The following HEMK2 variants were observed in gnomAD, a reference collection of about 807,000 sequenced individuals.
The protein encoded by HEMK2 is methyltransferase HEMK2.
At chr21:28,851,270 G>A in the HEMK2 span, among the ~76,000 whole-genome samples, 2 of 152,104 alleles carry the variant, frequency 1.3e-5, no homozygotes, top group African/African-American at 4.8e-5. Context: ...ATCCCTATCT[G>A]CCACCGACAC....
chr21:28,752,838 G>A, the HEMK2 span, among the ~76,000 whole-genome samples: 464 of 152,312 alleles, frequency 3.0e-3, 1 homozygote, highest in African/African-American at 0.011. Flanking sequence ...AAAGGGTGAA[G>A]CCAGGAGCAC....
At chr21:28,582,351 G>T in the HEMK2 span, among the ~76,000 whole-genome samples, 1 of 152,114 alleles carries the variant, frequency 6.6e-6, no homozygotes, top group African/African-American at 2.4e-5. Flanking sequence ...TTCTCAGATG[G>T]TAAGCTTTCC....
At chr21:28,612,211 C>T in the HEMK2 span, among the ~76,000 whole-genome samples, 1 of 151,086 alleles carries the variant, frequency 6.6e-6, no homozygotes, top group Non-Finnish European at 1.5e-5. Context: ...GATCCAACAG[C>T]ATATCAAAAA....
At chr21:28,713,397 T>A in the HEMK2 span, among the ~76,000 whole-genome samples, 1 of 152,148 alleles carries the variant, frequency 6.6e-6, no homozygotes, top group Non-Finnish European at 1.5e-5. Context: ...GCACTTAGGA[T>A]AAAGTGAAGT....
chr21:28,881,466 G>T, the HEMK2 span, among the ~76,000 whole-genome samples: 13 of 152,094 alleles, frequency 8.5e-5, no homozygotes. Flanking sequence ...CTCTTTCCTT[G>T]GGAAGGTGTT....
At chr21:28,697,129 T>C in the HEMK2 span, among the ~76,000 whole-genome samples, 1 of 152,230 alleles carries the variant, frequency 6.6e-6, no homozygotes, top group Admixed American at 6.5e-5. Context: ...TCCTCATTAC[T>C]TATGCAATTT....
the HEMK2 span, among the ~76,000 whole-genome samples, chr21:28,836,810 T>TA: frequency 0.26 from 38,758 of 146,436 alleles, 5,736 homozygotes; most frequent in African/African-American, 0.41. Context: ...GTAAAGCGGT[T>TA]AAAAAAAAAA....
the HEMK2 span, among the ~76,000 whole-genome samples, chr21:28,769,038 T>C: frequency 1.9e-4 from 29 of 151,724 alleles, no homozygotes; most frequent in African/African-American, 6.3e-4. Context: ...GGTGAAAAAA[T>C]AAATTTGTGT....
At chr21:28,578,349 G>C in the HEMK2 span, among the ~76,000 whole-genome samples, 2 of 152,178 alleles carry the variant, frequency 1.3e-5, no homozygotes, top group African/African-American at 4.8e-5. Context: ...TAACAAGGTT[G>C]TAATCACCTC....
chr21:28,814,261 C>T, the HEMK2 span, among the ~76,000 whole-genome samples: 1 of 152,108 alleles, frequency 6.6e-6, no homozygotes, highest in South Asian at 2.1e-4. Context: ...AATGTAAGAC[C>T]TAAAACCATA....
the HEMK2 span, among the ~76,000 whole-genome samples, chr21:28,599,286 G>T: frequency 2.0e-5 from 3 of 152,186 alleles, no homozygotes; most frequent in Non-Finnish European, 2.9e-5. Context: ...TTAAGAAAAA[G>T]AAGTTTAATG....
At chr21:28,829,896 G>A in the HEMK2 span, among the ~76,000 whole-genome samples, 16 of 152,250 alleles carry the variant, frequency 1.1e-4, no homozygotes, top group African/African-American at 3.4e-4. Context: ...GAAATGTCCT[G>A]TTCATTTGGA....
the HEMK2 span, among the ~76,000 whole-genome samples, chr21:28,601,806 A>AATGAATG: frequency 4.6e-5 from 7 of 152,210 alleles, no homozygotes; most frequent in East Asian, 1.2e-3. Flanking sequence ...TGAATGAGTG[A>AATGAATG]ATGAATGAAT....
the HEMK2 span, among the ~76,000 whole-genome samples, chr21:28,699,360 T>C: frequency 2.0e-5 from 3 of 152,318 alleles, no homozygotes; most frequent in Admixed American, 1.3e-4. Flanking sequence ...GGTTCACAGA[T>C]CGTGCCTTGT....
At chr21:28,854,542 A>T in the HEMK2 span, among the ~76,000 whole-genome samples, 1 of 152,172 alleles carries the variant, frequency 6.6e-6, no homozygotes, top group Non-Finnish European at 1.5e-5. Context: ...AGATATATAA[A>T]GGGGATTTAC....
the HEMK2 span, among the ~76,000 whole-genome samples, chr21:28,610,586 G>A: frequency 6.6e-6 from 1 of 152,096 alleles, no homozygotes; most frequent in African/African-American, 2.4e-5. Context: ...TGGCCTAAAT[G>A]CTTCATTTAA....
the HEMK2 span, among the ~76,000 whole-genome samples, chr21:28,702,487 A>G: frequency 6.6e-6 from 1 of 152,230 alleles, no homozygotes. Context: ...CCCCATTAAA[A>G]CATGGGCAAA....
chr21:28,856,499 G>A, the HEMK2 span, among the ~76,000 whole-genome samples: 1 of 152,210 alleles, frequency 6.6e-6, no homozygotes, highest in African/African-American at 2.4e-5. Context: ...GGTGGTCCAA[G>A]ATGGCCAATT....
At chr21:28,872,107 G>C in the HEMK2 span, 5 of 152,180 alleles carry the variant, frequency 3.3e-5, no homozygotes, top group Non-Finnish European at 5.9e-5. Context: ...TAATGTAGCT[G>C]ATGCAGGATT....
Sources: gnomAD v4.1 joint callset for allele counts (sites outside exome capture counted in the v4.1 genomes callset) on GRCh38, gnomAD v4.1.1 for gene constraint, MANE v1.5 for transcripts, NCBI Gene and HGNC (gene_info 2026-07-23, HGNC 2026-07-21) for gene names.